The following PHF24 variants were observed in gnomAD, a reference collection of about 807,000 sequenced individuals.
PHF24 encodes the protein PHD finger protein 24, also known as Galpha inhibitory interacting protein.
PHF24 carries 25 observed loss-of-function variants against 42.6 expected under a neutral mutation model. The ratio of observed to expected loss-of-function variants is 0.59; its 90% CI spans 0.43 to 0.82. PHF24 has a LOEUF of 0.82. Ranked by LOEUF, PHF24 falls within the 40% of genes least tolerant of loss-of-function variation. The probability of loss-of-function intolerance (pLI) is 0.00; values close to 1 mark genes in which losing one functional copy is unlikely to be tolerated. For missense variants in PHF24, 470 were observed against 538.1 expected, an observed-to-expected ratio of 0.87 and a Z score of 1.25; for synonymous variants, 185 against 204.8, an observed-to-expected ratio of 0.90 and a Z score of 0.83.
At chr9:34,867,927 A>G in the PHF24 span, among the ~76,000 whole-genome samples, 1 of 152,142 alleles carries the variant, frequency 6.6e-6, no homozygotes, top group Middle Eastern at 3.2e-3. Context: ...TGCATTTTCA[A>G]AGCTTCCTAC....
At chr9:34,821,852 C>A in the PHF24 span, among the ~76,000 whole-genome samples, 1 of 152,142 alleles carries the variant, frequency 6.6e-6, no homozygotes, top group Non-Finnish European at 1.5e-5. Flanking sequence ...GAGGTAAAGA[C>A]AGTAGTATCT....
At chr9:34,680,719 TA>T in the PHF24 span, among the ~76,000 whole-genome samples, 2,734 of 124,212 alleles carry the variant, frequency 0.022, 100 homozygotes, top group African/African-American at 0.072. Flanking sequence ...AAAAAAAAAA[TA>T]AAATAAAATA....
the PHF24 span, among the ~76,000 whole-genome samples, chr9:34,911,013 G>A: frequency 6.6e-6 from 1 of 151,894 alleles, no homozygotes; most frequent in African/African-American, 2.4e-5. Context: ...TAGTAAAGAC[G>A]AGATCTCATT....
At chr9:34,726,949 G>A in the PHF24 span, 1 of 1,551,272 alleles carries the variant, frequency 6.4e-7, no homozygotes, top group African/African-American at 1.4e-5. Context: ...CTGCACACAG[G>A]ATTCGCCGCA....
chr9:34,940,153 G>A, the PHF24 span, among the ~76,000 whole-genome samples: 2 of 152,120 alleles, frequency 1.3e-5, no homozygotes, highest in Non-Finnish European at 2.9e-5. Flanking sequence ...CAGTGAAACA[G>A]TGGGCCTTAA....
the PHF24 span, chr9:34,834,504 A>T: frequency 1.3e-6 from 2 of 1,551,562 alleles, no homozygotes; most frequent in Non-Finnish European, 1.7e-6. Context: ...TGGCGAATCG[A>T]CTGTTTCTGG....
chr9:34,773,379 G>GC, the PHF24 span, among the ~76,000 whole-genome samples: 1 of 151,958 alleles, frequency 6.6e-6, no homozygotes, highest in African/African-American at 2.4e-5. Flanking sequence ...CAGAAAACAT[G>GC]CAAGATGAGC....
At chr9:34,955,415 A>ATG (rs1554657330), upstream of PHF24, among the ~76,000 whole-genome samples, 7 of 151,848 alleles carry the variant, frequency 4.6e-5, no homozygotes, top group Non-Finnish European at 8.8e-5. Flanking sequence ...CAAGTGGCTC[A>ATG]CCTGTAATCC....
the PHF24 span, among the ~76,000 whole-genome samples, chr9:34,716,565 C>CTTTGTTTTGTTTTGT: frequency 2.0e-3 from 301 of 148,326 alleles, 3 homozygotes; most frequent in African/African-American, 5.4e-3. Context: ...TTTTGTTTTG[C>CTTTGTTTTGTTTTGT]TTTGTTTTGT....
intron 3 of PHF24, among the ~76,000 whole-genome samples, chr9:34,975,192 A>G (rs1827143594): frequency 6.6e-6 from 1 of 152,148 alleles, no homozygotes. Flanking sequence ...TATTGGAGGT[A>G]CTTCATAGTA....
Position 34,970,736 on chromosome 9 carries a change from C to T in PHF24, c.-4-559C>T, listed in dbSNP as rs553289068. Among the ~76,000 whole-genome samples, 3 of 152,282 alleles carry T rather than the reference C, an allele frequency of 2.0e-5. No individual in the cohort carries two copies. The East Asian group carries it at 5.8e-4, about 29-fold the overall frequency. The stretch of plus-strand genomic sequence containing the variant: ...AAATTTGGATTCTGAAGTCTCCAAC[C>T]ATTTCGAAGTAGCAGAGGTGTAGGA... On this transcript the variant is annotated intron_variant, in intron 1 of 7. Transcript: ENST00000242315.
At chr9:34,959,478 T>G (rs1314524451) in intron 1 of PHF24, among the ~76,000 whole-genome samples, 2 of 152,196 alleles carry the variant, frequency 1.3e-5, no homozygotes, top group Non-Finnish European at 2.9e-5. Context: ...AAATTTTATT[T>G]GGGAAAAAGT....
chr9:34,833,230 G>A, the PHF24 span: 1 of 1,548,048 alleles, frequency 6.5e-7, no homozygotes, highest in East Asian at 2.4e-5. Context: ...CAGGGCCACA[G>A]GGTTCCTCCA....
chr9:34,768,847 T>C, the PHF24 span, among the ~76,000 whole-genome samples: 3 of 151,848 alleles, frequency 2.0e-5, no homozygotes, highest in African/African-American at 7.3e-5. Context: ...ACTGTATTCC[T>C]GAAAAACCCA....
At chr9:34,689,880 T>G in the PHF24 span, 1 of 1,614,168 alleles carries the variant, frequency 6.2e-7, no homozygotes, top group Non-Finnish European at 8.5e-7. This position sits in a 1 kb window ranked among gnomAD's most constrained non-coding sequence, Gnocchi z 4.1. Flanking sequence ...GCTGGAATCT[T>G]AGACAGGAGC....
chr9:34,919,838 C>T, the PHF24 span, among the ~76,000 whole-genome samples: 1 of 152,112 alleles, frequency 6.6e-6, no homozygotes, highest in East Asian at 1.9e-4. Context: ...TTTCCCTTAA[C>T]ATAATGTCCT....
At chr9:34,886,834 G>C in the PHF24 span, among the ~76,000 whole-genome samples, 3,392 of 148,778 alleles carry the variant, frequency 0.023, 116 homozygotes, top group African/African-American at 0.07. Flanking sequence ...ATGTATCTAT[G>C]TATCTATCTA....
the PHF24 span, among the ~76,000 whole-genome samples, chr9:34,865,561 C>T: frequency 2.7e-5 from 4 of 150,086 alleles, no homozygotes; most frequent in African/African-American, 9.9e-5. Flanking sequence ...AAGACTCTGT[C>T]TCAAAAGTAA....
At chr9:34,820,443 T>C in the PHF24 span, among the ~76,000 whole-genome samples, 12 of 152,162 alleles carry the variant, frequency 7.9e-5, no homozygotes, top group African/African-American at 2.4e-4. Flanking sequence ...TGTCCATGTG[T>C]ACTCAATGTT....
Sources: gnomAD v4.1 joint callset for allele counts (sites outside exome capture counted in the v4.1 genomes callset) on GRCh38, gnomAD v4.1.1 for gene constraint, Gnocchi (gnomAD v3.1) non-coding constraint, MANE v1.5 for transcripts, NCBI Gene and HGNC (gene_info 2026-07-23, HGNC 2026-07-21) for gene names.